NOL7: variants seen among roughly 807,000 people sequenced by gnomAD.
NOL7 encodes the protein U3 small nucleolar RNA-associated protein NOL7.
In NOL7, 36 loss-of-function variants were observed where a neutral mutation model predicts 38.4. That is an observed-to-expected ratio of 0.94 (90% confidence interval 0.72 to 1.24). The LOEUF (loss-of-function observed/expected upper bound fraction) is 1.24, where lower values mean the gene tolerates loss of function less well. NOL7 is among the 50% of genes most tolerant of loss of function. The pLI, the probability that NOL7 is intolerant of heterozygous loss-of-function variation, is 0.00. For synonymous variants in NOL7, 142 were observed against 126.5 expected (o/e 1.12, Z -0.82); for missense variants, 350 against 315.1 (o/e 1.11, Z -0.84).
At chr6:13,619,837 T>C (rs373063008) in intron 5 of NOL7, among the ~76,000 whole-genome samples, 4 of 152,226 alleles carry the variant, frequency 2.6e-5, no homozygotes, top group African/African-American at 7.2e-5. Context: ...TTTATCACTA[T>C]GAGACAAATG....
In NOL7 at chr6:13,620,318, A is replaced by G. The variant is rs139715216; in HGVS notation, c.611A>G (p.Asn204Ser). The change falls in exon 6 of 8, where the codon AAC becomes AGC. Residue 204 changes from asparagine to serine, a missense_variant. Asn to Ser is a conservative substitution (Grantham distance 46). Coordinates refer to ENST00000451315, the MANE Select transcript of NOL7 (RefSeq NM_016167.5). Reference sequence around the variant, plus strand: ...AATTCATTATATGGGCCAGGAACCAACAGGACTACTGGTAATTTTTTTATG... The same window carrying G: ...AATTCATTATATGGGCCAGGAACCAGCAGGACTACTGGTAATTTTTTTATG... The part of the protein sequence containing the change: ...IHNSLYGPGT[N>S]RTTVNKFLSL... 7.6e-5 allele frequency: 123 copies of G among 1,613,962 alleles called. No individual in the cohort carries two copies. In the African/African-American group the frequency reaches 1.5e-3, roughly 19 times the overall value.
At chr6:13,628,549 G>A (rs1001100847) in intron 8 of NOL7, among the ~76,000 whole-genome samples, 1 of 152,142 alleles carries the variant, frequency 6.6e-6, no homozygotes, top group African/African-American at 2.4e-5. Flanking sequence ...AATTTTAGAA[G>A]GATCACACAA....
downstream of NOL7, among the ~76,000 whole-genome samples, chr6:13,626,400 G>A (rs371519775): frequency 9.9e-5 from 15 of 152,226 alleles, no homozygotes; most frequent in African/African-American, 3.4e-4. Flanking sequence ...TTCAGATACT[G>A]GCTTCAAGTC....
downstream of NOL7, among the ~76,000 whole-genome samples, chr6:13,624,387 A>AG (rs1689619513): frequency 6.6e-6 from 1 of 152,154 alleles, no homozygotes; most frequent in Admixed American, 6.5e-5. Context: ...TTCCTAAACT[A>AG]GTTTGAAATA....
At chr6:13,616,769 G>A (rs938531096) in intron 3 of NOL7, among the ~76,000 whole-genome samples, 2 of 152,152 alleles carry the variant, frequency 1.3e-5, no homozygotes, top group Non-Finnish European at 2.9e-5. Context: ...AGTACATTTT[G>A]TTGACTGCCT....
intron 2 of NOL7, 82 bp from the exon 3 acceptor site, chr6:13,616,381 T>G (rs1764287752): frequency 1.0e-6 from 1 of 953,240 alleles, no homozygotes; most frequent in Non-Finnish European, 1.6e-6. Context: ...AGGGCATTCT[T>G]AAAAGCGGTA....
rs1433282758 is a variant in NOL7 at position 13,617,697 on chromosome 6, A to G, written c.387-73A>G. On this transcript the variant is annotated intron_variant, in intron 3 of 7. Coordinates refer to ENST00000451315, the MANE Select transcript of NOL7 (RefSeq NM_016167.5). ...AGGGGGTGTCTTACTTGTAAAGGCA[A>G]ATGAAATAATATAACATGTTTTGAG... is the stretch of plus-strand genomic sequence containing the variant. The G allele has an allele frequency of 2.8e-6, 4 of 1,436,908 alleles. No homozygotes were observed. The African/African-American group carries it at 4.2e-5, about 15-fold the overall frequency. The allele number at this position is 1,436,908 out of a possible 1,614,324, so 89.0% of individuals were successfully genotyped here. A position where few individuals can be genotyped will look rare whatever the true frequency, so the allele number is the denominator to read the frequency against.
chr6:13,620,111 G>A (rs1764399507), intron 5 of NOL7, 97 bp from the exon 6 acceptor site: 23 of 1,364,708 alleles, frequency 1.7e-5, no homozygotes, highest in Admixed American at 5.1e-5. Flanking sequence ...CTGAGATCGC[G>A]CAGCCTGGGT....
At chr6:13,630,733 A>C (rs1051936179) in intron 8 of NOL7, among the ~76,000 whole-genome samples, 9 of 152,182 alleles carry the variant, frequency 5.9e-5, no homozygotes, top group African/African-American at 2.2e-4. Flanking sequence ...GTGATACCAC[A>C]ACAGACTAAA....
At chr6:13,625,283 A>G (rs536604682), downstream of NOL7, among the ~76,000 whole-genome samples, 2 of 152,148 alleles carry the variant, frequency 1.3e-5, no homozygotes, top group East Asian at 1.9e-4. Flanking sequence ...GCCTTTCACT[A>G]AAGAGGGCTG....
chr6:13,615,763 C>A lies in NOL7; in HGVS notation c.318C>A (p.Ile106=). 1 of 1,613,258 alleles carries A rather than the reference C, an allele frequency of 6.2e-7. No individual in the cohort carries two copies. The highest frequency in any genetic ancestry group is 2.2e-5 in the East Asian group (1 of 44,886). Residue 106 remains isoleucine, a synonymous_variant, in exon 2 of 8, where the codon ATC becomes ATA. Transcript: ENST00000451315. ...EKRKRREELF[I]EQKKRKLLPD... Reference sequence around the variant, plus strand: ...GGAAGCGACGCGAGGAGCTGTTCATCGAACAGAAGGTTAGAGGCTAGGGAG... The same window carrying A: ...GGAAGCGACGCGAGGAGCTGTTCATAGAACAGAAGGTTAGAGGCTAGGGAG...
intron 5 of NOL7, among the ~76,000 whole-genome samples, chr6:13,619,759 AGTGTCTGTTTCTT>A (rs1764387708): frequency 6.6e-6 from 1 of 152,174 alleles, no homozygotes; most frequent in South Asian, 2.1e-4. Context: ...CTAAAATATG[AGTGTCTGTTTCTT>A]GTAGTCCTTG....
intron 5 of NOL7, among the ~76,000 whole-genome samples, chr6:13,619,959 A>G (rs1483193450): frequency 6.6e-6 from 1 of 152,196 alleles, no homozygotes; most frequent in Non-Finnish European, 1.5e-5. Flanking sequence ...GTTCGAGACC[A>G]GCCTGGCCAA....
chr6:13,620,682 A>G, intron 7 of NOL7, 72 bp from the exon 8 acceptor site: 1 of 1,051,746 alleles, frequency 9.5e-7, no homozygotes, highest in Non-Finnish European at 1.4e-6. Flanking sequence ...AATTACATTC[A>G]TATAGAGTAA....
downstream of NOL7, among the ~76,000 whole-genome samples, chr6:13,625,297 G>C (rs375950912): frequency 3.7e-4 from 56 of 152,232 alleles, no homozygotes; most frequent in African/African-American, 1.2e-3. Flanking sequence ...AGGGCTGTAA[G>C]GAATGTCTCT....
Position 13,620,388 on chromosome 6 carries a change from TA to T in NOL7, c.623-17del. On this transcript the variant is annotated intron_variant, in intron 6 of 7. Coordinates refer to ENST00000451315, the MANE Select transcript of NOL7 (RefSeq NM_016167.5). ...TACTGCAAATAAAACTGTGAAATGA[TA>T]AATACCTTTCTTTTCTAGTAAATAA... The T allele has an allele frequency of 6.2e-7, 1 of 1,613,968 alleles. No individual in the cohort carries two copies. Among genetic ancestry groups the T allele is most frequent in the Non-Finnish European group, 8.5e-7 (1 of 1,179,872 alleles).
chr6:13,615,449 G>GCGGAGC lies in NOL7; in HGVS notation c.92_97dup (p.Glu32_His33insProGlu). ...CCAGCTGGCCTCGGAGGAGGAGGAG[G>GCGGAGC]CGGAGCACGGGCTGTTGCTCGGGCA... On this transcript the variant is annotated inframe_insertion, in exon 1 of 8. Coordinates refer to ENST00000451315, the MANE Select transcript of NOL7 (RefSeq NM_016167.5). The GCGGAGC allele has an allele frequency of 6.5e-7, 1 of 1,549,926 alleles. No individual in the cohort carries two copies. The highest frequency in any genetic ancestry group is 8.7e-7 in the Non-Finnish European group (1 of 1,146,838).
intron 8 of NOL7, among the ~76,000 whole-genome samples, chr6:13,629,472 T>C (rs1764715283): frequency 6.6e-6 from 1 of 152,178 alleles, no homozygotes; most frequent in South Asian, 2.1e-4. Context: ...CAAAAAACAT[T>C]ACCTCAGTGG....
downstream of NOL7, among the ~76,000 whole-genome samples, chr6:13,623,342 G>C (rs1464811540): frequency 6.6e-6 from 1 of 152,174 alleles, no homozygotes; most frequent in Non-Finnish European, 1.5e-5. Context: ...TTGACACATG[G>C]CTAGGAAGGC....
Sources: allele counts gnomAD v4.1 joint callset (sites outside exome capture counted in the v4.1 genomes callset), GRCh38; gene constraint gnomAD v4.1.1; transcripts MANE v1.5; gene names NCBI Gene and HGNC (gene_info 2026-07-23, HGNC 2026-07-21).